Variants in XKR6 observed in about 807,000 individuals in gnomAD.
The protein encoded by XKR6 is XK-related protein 6.
Under a neutral mutation model 56.7 loss-of-function variants are expected in XKR6, and 22 were observed. That is an observed-to-expected ratio of 0.39 (90% CI 0.28 to 0.55). XKR6 has a LOEUF of 0.55. XKR6 is among the 20% of genes least tolerant of loss of function. The pLI is 0.66. For missense variants in XKR6, 852 were observed against 889.0 expected, an observed-to-expected ratio of 0.96 and a Z score of 0.53; for synonymous variants, 524 against 387.8, an observed-to-expected ratio of 1.35 and a Z score of -4.13.
intron 1 of XKR6, among the ~76,000 whole-genome samples, chr8:11,149,259 C>T (rs890160376): frequency 6.6e-6 from 1 of 152,198 alleles, no homozygotes; most frequent in African/African-American, 2.4e-5. Flanking sequence ...TATATACAGC[C>T]TATTGCTCCT....
intron 1 of XKR6, chr8:11,114,177 C>A: frequency 2.8e-6 from 1 of 361,554 alleles, no homozygotes; most frequent in Non-Finnish European, 5.3e-6. Flanking sequence ...TATTAGAAGC[C>A]ATTTTTATCA....
chr8:10,912,096 C>G (rs926967675), intron 2 of XKR6, among the ~76,000 whole-genome samples: 3 of 144,590 alleles, frequency 2.1e-5, no homozygotes, highest in Middle Eastern at 3.6e-3. Context: ...GTATATATAT[C>G]TGTGTGTGTG....
At chr8:11,030,711 C>T (rs1401210349) in intron 1 of XKR6, among the ~76,000 whole-genome samples, 1 of 152,102 alleles carries the variant, frequency 6.6e-6, no homozygotes, top group Non-Finnish European at 1.5e-5. Context: ...CAGCATCCCC[C>T]TAATGGGCGG....
At chr8:10,925,014 G>A (rs1320878316) in intron 1 of XKR6, among the ~76,000 whole-genome samples, 184 bp from the exon 2 acceptor site, 2 of 152,124 alleles carry the variant, frequency 1.3e-5, no homozygotes, top group East Asian at 1.9e-4. Flanking sequence ...CTGAGGCATG[G>A]GGGAGGGGCG....
intron 1 of XKR6, among the ~76,000 whole-genome samples, chr8:11,063,892 C>T (rs1799911643): frequency 1.3e-5 from 2 of 152,214 alleles, no homozygotes; most frequent in Admixed American, 6.5e-5. Context: ...CCCCAGAATG[C>T]ATCTCTTTCT....
intron 1 of XKR6, among the ~76,000 whole-genome samples, chr8:10,943,598 G>A (rs776723890): frequency 6.6e-5 from 10 of 152,040 alleles, no homozygotes; most frequent in African/African-American, 9.7e-5. Flanking sequence ...TCCACCCCTC[G>A]CTCGTCCTCC....
At chr8:10,911,807 T>A (rs984653039) in intron 2 of XKR6, among the ~76,000 whole-genome samples, 1 of 150,956 alleles carries the variant, frequency 6.6e-6, no homozygotes, top group Non-Finnish European at 1.5e-5. Flanking sequence ...AATGTATGTA[T>A]ATATACAGAG....
chr8:11,161,444 C>T (rs1404268303), intron 1 of XKR6, among the ~76,000 whole-genome samples: 1 of 152,198 alleles, frequency 6.6e-6, no homozygotes, highest in Non-Finnish European at 1.5e-5. Flanking sequence ...CCTAGATTGT[C>T]TTTAACTCTT....
In XKR6 at chr8:11,201,206, C is replaced by A. The variant is rs559480654; in HGVS notation, c.134G>T (p.Gly45Val). ...CGAGCTGCTCTCGCCGGGCTCGCTG[C>A]CGTCGCCGCCGCCGCCGCAGCCGCC... is the stretch of plus-strand genomic sequence containing the variant. ...GGGGCGGGGDGSEPGESSSMH... is the reference protein window; with the variant it reads ...GGGGCGGGGDVSEPGESSSMH... Residue 45 changes from glycine to valine, a missense_variant, in exon 1 of 3, where the codon GGC (glycine) becomes GTC (valine). Gly to Val is a moderately radical substitution (Grantham distance 109, BLOSUM62 -3). Around this residue, in one of 4 missense-constraint regions of XKR6, gnomAD observed 417 missense variants for 355.2 expected, o/e 1.17. Coordinates refer to ENST00000416569, the MANE Select transcript of XKR6 (RefSeq NM_173683.4). 2.0e-6 allele frequency: 3 copies of A among 1,531,380 alleles called. No individual in the cohort carries two copies. In the Admixed American group the frequency reaches 5.9e-5, roughly 30 times the overall value. 94.9% of individuals were successfully genotyped at this position (1,531,380 alleles called of 1,614,324 possible).
chr8:11,065,194 C>A (rs965579492), intron 1 of XKR6, among the ~76,000 whole-genome samples: 4 of 152,178 alleles, frequency 2.6e-5, no homozygotes, highest in Non-Finnish European at 5.9e-5. Context: ...TAGCTCTGAG[C>A]TCCCCGGCAC....
intron 1 of XKR6, among the ~76,000 whole-genome samples, chr8:11,052,499 C>T (rs1194718417): frequency 1.2e-4 from 18 of 152,102 alleles, no homozygotes; most frequent in Admixed American, 6.5e-4. Context: ...ATGCAGATGG[C>T]GCGAGGTAAG....
At chr8:11,092,454 C>T (rs1171147637) in intron 1 of XKR6, among the ~76,000 whole-genome samples, 1 of 152,174 alleles carries the variant, frequency 6.6e-6, no homozygotes, top group African/African-American at 2.4e-5. Flanking sequence ...ACCTGAGACT[C>T]CCCTCTAGGT....
chr8:10,945,281 C>T (rs150057282), intron 1 of XKR6, among the ~76,000 whole-genome samples: 37 of 152,304 alleles, frequency 2.4e-4, no homozygotes, highest in South Asian at 1.2e-3. Flanking sequence ...GTCGGGAGTT[C>T]GACACCAGCC....
chr8:11,200,839 G>C lies in XKR6; in HGVS notation c.501C>G (p.Phe167Leu), dbSNP rs759300833. 1 of 1,611,950 alleles carries C rather than the reference G, an allele frequency of 6.2e-7. No individual in the cohort carries two copies. The highest frequency in any genetic ancestry group is 1.7e-5 in the Admixed American group (1 of 59,954). ...CCAGCAGCGACGGCACCAGCACGAA[G>C]AAGAGGGTCAGCCCGAAGTAGACGT... ...GDYVYFGLTLFFVLVPSLLVQ... is the reference protein window; with the variant it reads ...GDYVYFGLTLLFVLVPSLLVQ... Residue 167 changes from phenylalanine to leucine, a missense_variant, in exon 1 of 3, where the codon TTC (phenylalanine) becomes TTG (leucine). By Grantham distance (22) the Phe-to-Leu change is conservative. Around this residue, in one of 4 missense-constraint regions of XKR6, gnomAD observed 417 missense variants for 355.2 expected, o/e 1.17. Coordinates refer to ENST00000416569, the MANE Select transcript of XKR6 (RefSeq NM_173683.4). This position sits in a 1 kb window ranked among gnomAD's most constrained non-coding sequence, Gnocchi z 6.4.
intron 1 of XKR6, among the ~76,000 whole-genome samples, chr8:11,036,984 G>A (rs927147219): frequency 9.8e-5 from 15 of 152,310 alleles, no homozygotes; most frequent in Non-Finnish European, 1.5e-4. Context: ...CCCCTAGATC[G>A]GGTATGAAAG....
intron 1 of XKR6, among the ~76,000 whole-genome samples, chr8:10,978,953 C>T (rs7011268): frequency 1.3e-5 from 2 of 151,920 alleles, no homozygotes; most frequent in Non-Finnish European, 2.9e-5. Context: ...TCACAGAGAC[C>T]GTACCCTCGG....
At chr8:10,908,081 C>T (rs963537884) in intron 2 of XKR6, among the ~76,000 whole-genome samples, 26 of 152,206 alleles carry the variant, frequency 1.7e-4, no homozygotes, top group Non-Finnish European at 3.1e-4. Context: ...TACACGCCCA[C>T]GCTGCTGGAT....
chr8:10,965,325 G>A (rs1802185917), intron 1 of XKR6, among the ~76,000 whole-genome samples: 5 of 152,338 alleles, frequency 3.3e-5, no homozygotes, highest in Admixed American at 2.6e-4. Context: ...CAGAGATGCG[G>A]GAGCAACGGT....
intron 1 of XKR6, among the ~76,000 whole-genome samples, chr8:11,134,933 T>C (rs1800304952): frequency 6.6e-6 from 1 of 152,138 alleles, no homozygotes; most frequent in Admixed American, 6.5e-5. Context: ...AGAAAGATAT[T>C]TCCATTATAC....
Sources: allele counts gnomAD v4.1 joint callset (sites outside exome capture counted in the v4.1 genomes callset), GRCh38; gene constraint gnomAD v4.1.1; regional missense constraint gnomAD v4.1.1; non-coding constraint Gnocchi (gnomAD v3.1); transcripts MANE v1.5; gene names NCBI Gene and HGNC (gene_info 2026-07-23, HGNC 2026-07-21).